LINGO2: variants seen among roughly 807,000 people sequenced by gnomAD.
LINGO2 encodes leucine-rich repeat and immunoglobulin-like domain-containing nogo receptor-interacting protein 2.
LINGO2 carries 14 observed loss-of-function variants against 30.6 expected under a neutral mutation model. That is an observed-to-expected ratio of 0.46 (90% CI 0.30 to 0.72). LINGO2 has a LOEUF of 0.72. Ranked by LOEUF, LINGO2 falls within the 30% of genes least tolerant of loss-of-function variation. The pLI, the probability that LINGO2 is intolerant of heterozygous loss-of-function variation, is 0.07. For missense variants in LINGO2, 729 were observed against 751.7 expected, an observed-to-expected ratio of 0.97 and a Z score of 0.35; for synonymous variants, 317 against 288.5, an observed-to-expected ratio of 1.10 and a Z score of -1.00.
At chr9:28,291,967 C>A (rs1039396335) in intron 4 of LINGO2, among the ~76,000 whole-genome samples, 1 of 152,132 alleles carries the variant, frequency 6.6e-6, no homozygotes, top group African/African-American at 2.4e-5. Flanking sequence ...TATAGGAGAA[C>A]AATGATCAGA....
rs534682414 is a variant in LINGO2 at position 28,666,340 on chromosome 9, C to A, written c.-365+3860G>T. Among the ~76,000 whole-genome samples the A allele has an allele frequency of 2.9e-4, 44 of 152,164 alleles. 1 individual carries two copies. The highest frequency in any genetic ancestry group is 9.6e-4 in the African/African-American group (40 of 41,538). ...GACATACAAATGGAAATATATATAA[C>A]CAATGTCAAGACTTTCCTTTGAAAA... On this transcript the variant is annotated intron_variant, in intron 1 of 5. Coordinates refer to ENST00000379992, the Ensembl canonical transcript of LINGO2.
downstream of LINGO2, among the ~76,000 whole-genome samples, chr9:27,946,130 G>C (rs1000101253): frequency 6.6e-6 from 1 of 152,096 alleles, no homozygotes; most frequent in Non-Finnish European, 1.5e-5. Context: ...AGCACGAAAA[G>C]AAGTGCTTTC....
chr9:28,414,233 G>C (rs1001368897), intron 2 of LINGO2, among the ~76,000 whole-genome samples: 9 of 151,904 alleles, frequency 5.9e-5, no homozygotes, highest in African/African-American at 1.9e-4. Context: ...TGAATTTTTA[G>C]GATTTTATTT....
intron 5 of LINGO2, among the ~76,000 whole-genome samples, chr9:28,000,212 A>G (rs1197942): frequency 0.2 from 30,041 of 152,160 alleles, 3,282 homozygotes; most frequent in African/African-American, 0.31. Flanking sequence ...TCAAATTGCC[A>G]TATGGCACAG....
At chr9:28,016,733 C>A (rs1822860356) in intron 4 of LINGO2, among the ~76,000 whole-genome samples, 1 of 148,316 alleles carries the variant, frequency 6.7e-6, no homozygotes, top group African/African-American at 2.5e-5. Context: ...CAGGACCAGG[C>A]AGACTCACAG....
At chr9:28,772,126 C>G in the LINGO2 span, among the ~76,000 whole-genome samples, 1 of 152,096 alleles carries the variant, frequency 6.6e-6, no homozygotes, top group Non-Finnish European at 1.5e-5. Context: ...AGATGCCTTA[C>G]ATAACAAATA....
the LINGO2 span, among the ~76,000 whole-genome samples, chr9:28,991,380 T>A: frequency 6.6e-6 from 1 of 151,564 alleles, no homozygotes; most frequent in Admixed American, 6.6e-5. Flanking sequence ...AGACCAAATC[T>A]ACGTCTGATT....
At chr9:28,081,405 A>G (rs1825770085) in intron 4 of LINGO2, among the ~76,000 whole-genome samples, 1 of 152,192 alleles carries the variant, frequency 6.6e-6, no homozygotes, top group African/African-American at 2.4e-5. Flanking sequence ...TCAAGCAGGA[A>G]ATAAAAGAGG....
the LINGO2 span, among the ~76,000 whole-genome samples, chr9:28,759,757 C>G: frequency 6.6e-6 from 1 of 151,680 alleles, no homozygotes; most frequent in Non-Finnish European, 1.5e-5. Flanking sequence ...ATGAAAATAG[C>G]CCATAGCCAA....
intron 4 of LINGO2, among the ~76,000 whole-genome samples, chr9:28,267,994 T>C (rs563014056): frequency 6.6e-6 from 1 of 152,098 alleles, no homozygotes; most frequent in Non-Finnish European, 1.5e-5. Flanking sequence ...GTTTCTATTA[T>C]GAGAAAGTAC....
the LINGO2 span, among the ~76,000 whole-genome samples, chr9:28,711,885 T>C: frequency 5.3e-5 from 8 of 152,096 alleles, no homozygotes; most frequent in African/African-American, 1.9e-4. Context: ...TATATCCGTA[T>C]AGGAATAAGG....
At chr9:29,151,465 A>G in the LINGO2 span, among the ~76,000 whole-genome samples, 1 of 152,212 alleles carries the variant, frequency 6.6e-6, no homozygotes, top group African/African-American at 2.4e-5. Context: ...GGCAAGCTGG[A>G]TAATAATACA....
chr9:28,277,040 C>G (rs1481870823), intron 4 of LINGO2, among the ~76,000 whole-genome samples: 3 of 152,244 alleles, frequency 2.0e-5, no homozygotes, highest in African/African-American at 7.2e-5. Flanking sequence ...TTTACACACT[C>G]AAACTTCATT....
At chr9:28,002,077 A>G (rs1821986181) in intron 5 of LINGO2, among the ~76,000 whole-genome samples, 1 of 152,200 alleles carries the variant, frequency 6.6e-6, no homozygotes, top group African/African-American at 2.4e-5. Flanking sequence ...GCACTCAGAT[A>G]GGCTAAACCT....
chr9:28,770,107 C>T, the LINGO2 span, among the ~76,000 whole-genome samples: 2 of 152,168 alleles, frequency 1.3e-5, no homozygotes, highest in African/African-American at 4.8e-5. Context: ...TATTGATTCA[C>T]TTCCATCAGT....
chr9:28,415,777 A>G (rs906577330), intron 2 of LINGO2, among the ~76,000 whole-genome samples: 1 of 152,172 alleles, frequency 6.6e-6, no homozygotes, highest in African/African-American at 2.4e-5. Context: ...TATATGTTCC[A>G]TGAGAGCTGT....
chr9:28,438,855 GAT>G (rs997082722), intron 2 of LINGO2, among the ~76,000 whole-genome samples: 7 of 138,986 alleles, frequency 5.0e-5, no homozygotes, highest in Non-Finnish European at 9.1e-5. Flanking sequence ...TATATAATGA[GAT>G]ATATATATTT....
chr9:28,910,184 T>G, the LINGO2 span, among the ~76,000 whole-genome samples: 1 of 152,086 alleles, frequency 6.6e-6, no homozygotes, highest in Non-Finnish European at 1.5e-5. Flanking sequence ...AGTAATACTA[T>G]ATAGATACAT....
chr9:28,098,331 A>C (rs1029162218), intron 4 of LINGO2, among the ~76,000 whole-genome samples: 22 of 151,666 alleles, frequency 1.5e-4, no homozygotes, highest in Non-Finnish European at 2.4e-4. Context: ...ACAAAAAGCA[A>C]AAAAAAACTC....
Sources: gnomAD v4.1 joint callset for allele counts (sites outside exome capture counted in the v4.1 genomes callset) on GRCh38, gnomAD v4.1.1 for gene constraint, MANE v1.5 for transcripts, NCBI Gene and HGNC (gene_info 2026-07-23, HGNC 2026-07-21) for gene names.